Variants in TUSC3 observed in about 807,000 individuals in gnomAD.
TUSC3 encodes the protein dolichyl-diphosphooligosaccharide--protein glycosyltransferase subunit TUSC3.
Under a neutral mutation model 44.8 loss-of-function variants are expected in TUSC3, and 45 were observed. That is an observed-to-expected ratio of 1.00 (90% confidence interval 0.79 to 1.29). TUSC3 has a LOEUF of 1.29. Among genes scored for constraint, TUSC3 ranks in the 50% most tolerant of loss-of-function variants. The probability of loss-of-function intolerance (pLI) is 0.00; values close to 1 mark genes in which losing one functional copy is unlikely to be tolerated. For synonymous variants in TUSC3, 212 were observed against 152.9 expected, an observed-to-expected ratio of 1.39 and a Z score of -2.85; for missense variants, 519 against 437.9, an observed-to-expected ratio of 1.19 and a Z score of -1.65.
chr8:15,649,287 G>C (rs1008031783), intron 2 of TUSC3, among the ~76,000 whole-genome samples: 1 of 152,000 alleles, frequency 6.6e-6, no homozygotes, highest in African/African-American at 2.4e-5. Flanking sequence ...GTCTACTATT[G>C]AGTATTAAGA....
chr8:15,522,461 G>A (rs968926917), intron 2 of TUSC3, among the ~76,000 whole-genome samples: 3 of 151,770 alleles, frequency 2.0e-5, no homozygotes, highest in Non-Finnish European at 1.5e-5. Flanking sequence ...TTGAACTCCC[G>A]AACTCAGGTG....
At chr8:15,641,672 A>G (rs1047083250) in intron 2 of TUSC3, among the ~76,000 whole-genome samples, 5 of 152,204 alleles carry the variant, frequency 3.3e-5, no homozygotes, top group Non-Finnish European at 5.9e-5. Flanking sequence ...TAAAAAGGGG[A>G]AAATAAAGTA....
At chr8:15,556,404 T>C (rs1219031710) in intron 1 of TUSC3, among the ~76,000 whole-genome samples, 1 of 151,406 alleles carries the variant, frequency 6.6e-6, no homozygotes, top group African/African-American at 2.4e-5. Flanking sequence ...AGTCTATCAT[T>C]GTTGGACATT....
At chr8:15,572,595 G>A (rs1291991199) in intron 1 of TUSC3, among the ~76,000 whole-genome samples, 1 of 152,144 alleles carries the variant, frequency 6.6e-6, no homozygotes, top group African/African-American at 2.4e-5. Context: ...GGTGCAAGAG[G>A]TGTAGCTTTT....
intron 2 of TUSC3, among the ~76,000 whole-genome samples, chr8:15,632,551 A>G (rs1033916376): frequency 4.6e-5 from 7 of 152,162 alleles, no homozygotes; most frequent in Non-Finnish European, 7.3e-5. Flanking sequence ...GGGAGGAAGG[A>G]AACAGGGAGA....
chr8:15,474,767 C>T (rs1048370124), intron 1 of TUSC3, among the ~76,000 whole-genome samples: 25 of 152,060 alleles, frequency 1.6e-4, no homozygotes, highest in African/African-American at 6.0e-4. Context: ...GTGAAATAGC[C>T]AGGAAATATT....
intron 1 of TUSC3, among the ~76,000 whole-genome samples, chr8:15,454,429 G>C (rs547626020): frequency 6.6e-6 from 1 of 152,196 alleles, no homozygotes. Context: ...CTCAGGAATA[G>C]AGTGACTGTT....
At chr8:15,488,495 C>G (rs370829216) in intron 2 of TUSC3, among the ~76,000 whole-genome samples, 1 of 152,226 alleles carries the variant, frequency 6.6e-6, no homozygotes, top group Non-Finnish European at 1.5e-5. Context: ...GAGTAAGACC[C>G]TCTCTCAAAA....
chr8:15,425,540 G>GA (rs1563247734), intron 1 of TUSC3, among the ~76,000 whole-genome samples: 2 of 152,180 alleles, frequency 1.3e-5, no homozygotes, highest in Non-Finnish European at 2.9e-5. Flanking sequence ...TATGTTGCCT[G>GA]AAAAACCCTT....
intron 6 of TUSC3, among the ~76,000 whole-genome samples, chr8:15,700,122 GA>G (rs770441154): frequency 1.1e-4 from 17 of 152,182 alleles, no homozygotes; most frequent in Non-Finnish European, 2.4e-4. Context: ...CTTAGGGTAT[GA>G]AATTCTGAAT....
the TUSC3 span, among the ~76,000 whole-genome samples, chr8:15,787,514 G>C: frequency 2.0e-5 from 3 of 152,104 alleles, no homozygotes; most frequent in Admixed American, 2.0e-4. Flanking sequence ...TATTATTTGA[G>C]GGATTTTATG....
intron 1 of TUSC3, among the ~76,000 whole-genome samples, chr8:15,582,104 G>A (rs112403883): frequency 0.032 from 4,803 of 150,756 alleles, 229 homozygotes; most frequent in African/African-American, 0.1. Flanking sequence ...TCTTTGACTC[G>A]GAAAGGGAAC....
chr8:15,490,483 A>G (rs560408967), intron 2 of TUSC3, among the ~76,000 whole-genome samples: 16 of 152,230 alleles, frequency 1.1e-4, no homozygotes, highest in Admixed American at 5.2e-4. Context: ...GGTGCACTCA[A>G]CTGAAGGCCT....
chr8:15,668,665 A>C (rs953663822), intron 5 of TUSC3, among the ~76,000 whole-genome samples: 1 of 151,798 alleles, frequency 6.6e-6, no homozygotes, highest in Non-Finnish European at 1.5e-5. Flanking sequence ...ACAAATGTCC[A>C]AAACAAAATA....
intron 1 of TUSC3, among the ~76,000 whole-genome samples, chr8:15,588,066 A>G (rs539041394): frequency 1.3e-5 from 2 of 152,198 alleles, no homozygotes; most frequent in East Asian, 1.9e-4. Flanking sequence ...TTTCCTTTGG[A>G]TAAATACTCA....
chr8:15,574,568 A>G (rs751382400), intron 1 of TUSC3, among the ~76,000 whole-genome samples: 2 of 152,154 alleles, frequency 1.3e-5, no homozygotes, highest in Non-Finnish European at 2.9e-5. Context: ...TTAGTAAAGC[A>G]TTCAGCTGCC....
chr8:15,794,686 A>G, the TUSC3 span, among the ~76,000 whole-genome samples: 42 of 144,350 alleles, frequency 2.9e-4, no homozygotes, highest in African/African-American at 1.1e-3. Flanking sequence ...CCTGCATGTG[A>G]GTGTGCTGCA....
chr8:15,504,042 A>G (rs937724070), intron 2 of TUSC3, among the ~76,000 whole-genome samples: 2 of 151,932 alleles, frequency 1.3e-5, no homozygotes, highest in Non-Finnish European at 2.9e-5. Context: ...AATTCTGTAG[A>G]AAAGAACACA....
chr8:15,773,461 A>T, the TUSC3 span, among the ~76,000 whole-genome samples: 2 of 152,190 alleles, frequency 1.3e-5, no homozygotes, highest in African/African-American at 4.8e-5. Flanking sequence ...GACCTAAACA[A>T]ATAGAAATAC....
Sources: gnomAD v4.1 joint callset for allele counts (sites outside exome capture counted in the v4.1 genomes callset) on GRCh38, gnomAD v4.1.1 for gene constraint, MANE v1.5 for transcripts, NCBI Gene and HGNC (gene_info 2026-07-23, HGNC 2026-07-21) for gene names.